JAK1: variants seen among roughly 807,000 people sequenced by gnomAD.
JAK1 encodes the protein Janus kinase 1.
A neutral mutation model predicts 136.6 loss-of-function variants in JAK1; 16 were observed. The observed-to-expected ratio is 0.12, with a 90% CI of 0.08 to 0.18. The LOEUF is 0.18. Among genes scored for constraint, JAK1 ranks in the 10% least tolerant of loss-of-function variants. The probability of loss-of-function intolerance (pLI) is 1.00; values close to 1 mark genes in which losing one functional copy is unlikely to be tolerated. For missense variants in JAK1, 859 were observed against 1,450.1 expected, an observed-to-expected ratio of 0.59 and a Z score of 6.62; for synonymous variants, 492 against 519.5, an observed-to-expected ratio of 0.95 and a Z score of 0.72.
intron 1 of JAK1, among the ~76,000 whole-genome samples, chr1:65,048,248 G>A (rs1647207271): frequency 6.6e-6 from 1 of 152,212 alleles, no homozygotes; most frequent in South Asian, 2.1e-4. Context: ...AAGTGACCTA[G>A]TTTTTCTAGG....
At chr1:64,985,893 G>A in intron 2 of JAK1, 1 of 675,448 alleles carries the variant, frequency 1.5e-6, no homozygotes, top group Non-Finnish European at 2.6e-6. Context: ...GGAGAATATG[G>A]CCATAGACAA....
chr1:64,934,435 C>T (rs1264874512), intron 1 of JAK1, among the ~76,000 whole-genome samples: 1 of 152,178 alleles, frequency 6.6e-6, no homozygotes, highest in East Asian at 1.9e-4. Context: ...GGAGACGTGG[C>T]ATCACTGCAA....
chr1:64,991,345 T>A (rs1384712702), intron 2 of JAK1: 1 of 152,258 alleles, frequency 6.6e-6, no homozygotes, highest in Non-Finnish European at 1.5e-5. Flanking sequence ...CAGGGTTGGT[T>A]TCCTCTGTGG....
intron 1 of JAK1, among the ~76,000 whole-genome samples, chr1:64,921,795 G>A (rs949297765): frequency 6.6e-5 from 10 of 152,020 alleles, no homozygotes; most frequent in African/African-American, 2.2e-4. Context: ...CCTTTGTACA[G>A]TGAGTTTCTA....
chr1:64,937,169 A>G (rs533240923), intron 1 of JAK1, among the ~76,000 whole-genome samples: 2 of 152,250 alleles, frequency 1.3e-5, no homozygotes, highest in African/African-American at 4.8e-5. Context: ...GCTGGCTCCC[A>G]GCTACCACCT....
chr1:64,861,151 G>A (rs1656311536), intron 8 of JAK1, among the ~76,000 whole-genome samples: 1 of 152,082 alleles, frequency 6.6e-6, no homozygotes, highest in Non-Finnish European at 1.5e-5. Flanking sequence ...AACGGTGAAT[G>A]GCTAAATCGG....
chr1:64,856,242 G>A (rs184371335), intron 10 of JAK1, among the ~76,000 whole-genome samples: 216 of 152,284 alleles, frequency 1.4e-3, no homozygotes, highest in Admixed American at 6.1e-3. Context: ...GTGCCAGATA[G>A]GAGGTATAAG....
chr1:65,039,275 C>T (rs1557769671), intron 2 of JAK1, among the ~76,000 whole-genome samples: 1 of 152,206 alleles, frequency 6.6e-6, no homozygotes, highest in South Asian at 2.1e-4. Flanking sequence ...TCACTACAGA[C>T]TCTAGATATG....
chr1:64,903,928 T>C (rs564537471), intron 1 of JAK1, among the ~76,000 whole-genome samples: 1 of 152,308 alleles, frequency 6.6e-6, no homozygotes, highest in East Asian at 1.9e-4. Flanking sequence ...TCCATGCTCT[T>C]AGGAAAGTTA....
At chr1:65,043,383 T>C (rs529339701) in intron 2 of JAK1, among the ~76,000 whole-genome samples, 2 of 152,076 alleles carry the variant, frequency 1.3e-5, no homozygotes, top group African/African-American at 2.4e-5. Context: ...ACAAACTCAA[T>C]AGAAAAACTT....
intron 2 of JAK1, among the ~76,000 whole-genome samples, chr1:64,981,823 A>G (rs1273629986): frequency 6.6e-6 from 1 of 152,208 alleles, no homozygotes; most frequent in Non-Finnish European, 1.5e-5. Flanking sequence ...CCTAGCTTCA[A>G]AGCTCCTGTT....
chr1:65,049,237 CAA>C (rs1481794530), intron 1 of JAK1, among the ~76,000 whole-genome samples: 3 of 152,190 alleles, frequency 2.0e-5, no homozygotes, highest in Non-Finnish European at 4.4e-5. Flanking sequence ...GCCTGAGCAA[CAA>C]AGAGAGATCC....
intron 2 of JAK1, among the ~76,000 whole-genome samples, chr1:65,033,999 T>C (rs937671637): frequency 3.3e-5 from 5 of 152,192 alleles, no homozygotes; most frequent in Non-Finnish European, 7.3e-5. Context: ...TAAATGATAA[T>C]AGTAATTTAT....
chr1:64,905,786 T>C (rs1645180450), intron 1 of JAK1, among the ~76,000 whole-genome samples: 1 of 152,338 alleles, frequency 6.6e-6, no homozygotes, highest in Non-Finnish European at 1.5e-5. Flanking sequence ...TGTGTGTTTA[T>C]GTGTACCTAT....
At chr1:65,022,740 A>G (rs1457948808) in intron 2 of JAK1, among the ~76,000 whole-genome samples, 1 of 152,204 alleles carries the variant, frequency 6.6e-6, no homozygotes, top group Non-Finnish European at 1.5e-5. Context: ...AGGGAGGAGA[A>G]CCAACTTCAT....
At chr1:65,018,378 C>A (rs1043171783) in intron 2 of JAK1, among the ~76,000 whole-genome samples, 2 of 150,738 alleles carry the variant, frequency 1.3e-5, no homozygotes, top group Non-Finnish European at 3.0e-5. Context: ...GTAACAGGAA[C>A]AATAAAGCCA....
chr1:64,968,036 C>G (rs75585124), upstream of JAK1, among the ~76,000 whole-genome samples: 9,662 of 152,142 alleles, frequency 0.064, 412 homozygotes, highest in Admixed American at 0.14. Context: ...GGCATGGGCT[C>G]AGGAAGTGGT....
At chr1:64,973,204 GAAAA>G (rs1408114951) in intron 2 of JAK1, 1 of 128,886 alleles carries the variant, frequency 7.8e-6, no homozygotes, top group African/African-American at 3.3e-5. Context: ...AGAAAGAAAG[GAAAA>G]GAAAGAAAGA....
At chr1:64,944,352 T>C (rs1645945532) in intron 1 of JAK1, among the ~76,000 whole-genome samples, 1 of 152,100 alleles carries the variant, frequency 6.6e-6, no homozygotes, top group African/African-American at 2.4e-5. Context: ...AAATTGAGTA[T>C]GATGACAGTG....
Sources: allele counts gnomAD v4.1 joint callset (sites outside exome capture counted in the v4.1 genomes callset), GRCh38; gene constraint gnomAD v4.1.1; transcripts MANE v1.5; gene names NCBI Gene and HGNC (gene_info 2026-07-23, HGNC 2026-07-21).